LRRC52: variants seen among roughly 807,000 people sequenced by gnomAD.
The protein encoded by LRRC52 is leucine-rich repeat-containing protein 52.
Under a neutral mutation model 14.7 loss-of-function variants are expected in LRRC52, and 15 were observed. The observed-to-expected ratio is 1.02, with a 90% CI of 0.68 to 1.58. The LOEUF (loss-of-function observed/expected upper bound fraction) is 1.58. Ranked by LOEUF, LRRC52 falls within the 40% of genes most tolerant of loss-of-function variation. The pLI, the probability that LRRC52 is intolerant of heterozygous loss-of-function variation, is 0.00. For missense variants in LRRC52, 400 were observed against 387.7 expected (o/e 1.03, Z -0.27); for synonymous variants, 180 against 163.9 (o/e 1.10, Z -0.75).
At chr1:165,554,301 AG>A (rs1304507838) in intron 1 of LRRC52, among the ~76,000 whole-genome samples, 1 of 152,130 alleles carries the variant, frequency 6.6e-6, no homozygotes, top group Non-Finnish European at 1.5e-5. Flanking sequence ...AGAAACAAAC[AG>A]GGTGAGCAGA....
intron 1 of LRRC52, among the ~76,000 whole-genome samples, chr1:165,547,438 A>G (rs116831647): frequency 0.011 from 1,616 of 152,300 alleles, 29 homozygotes; most frequent in African/African-American, 0.037. Flanking sequence ...TCATAAATCC[A>G]TTGATATGCC....
chr1:165,545,020 C>T (rs1183134050), intron 1 of LRRC52, 102 bp downstream of exon 1: 6 of 1,420,756 alleles, frequency 4.2e-6, no homozygotes, highest in Non-Finnish European at 5.8e-6. Context: ...TTGGGTGAAG[C>T]TGATTGAATG....
chr1:165,544,028 G>A lies in LRRC52; in HGVS notation c.-269G>A, dbSNP rs1571101997. The A allele has an allele frequency of 2.1e-5, 11 of 518,366 alleles. No homozygotes were observed. The East Asian group carries it at 3.2e-4, about 15-fold the overall frequency. The allele number at this position is 518,366 out of a possible 1,614,324, so 32.1% of individuals were successfully genotyped here. A position where few individuals can be genotyped will look rare whatever the true frequency, so the allele number is the denominator to read the frequency against. On this transcript the variant is annotated 5_prime_UTR_variant, in exon 1 of 2. In the 5' UTR this introduces an upstream ATG that the reference lacks. Transcript: ENST00000294818. ...CTTCACTTGCAAACGCAGGGAAAGG[G>A]TGAGACCTTTCAAAGCTGCCAAGTG...
Position 165,549,751 on chromosome 1 carries a change from C to T in LRRC52, c.622+4833C>T, listed in dbSNP as rs767988327. Reference sequence around the variant, plus strand: ...TGTGCCACATTTTTGCTAAGGACCTCCCCCATAGAGGGGTTGTAGAGGAAG... The same window carrying T: ...TGTGCCACATTTTTGCTAAGGACCTTCCCCATAGAGGGGTTGTAGAGGAAG... On this transcript the variant is annotated intron_variant, in intron 1 of 1. Transcript: ENST00000294818. Among the ~76,000 whole-genome samples, 3 of 152,164 alleles carry T rather than the reference C, an allele frequency of 2.0e-5. 1 individual carries two copies. The highest frequency in any genetic ancestry group is 7.2e-5 in the African/African-American group (3 of 41,436).
intron 1 of LRRC52, 97 bp downstream of exon 1, chr1:165,545,015 T>C: frequency 2.1e-6 from 3 of 1,454,120 alleles, no homozygotes; most frequent in Non-Finnish European, 2.8e-6. Context: ...AAAAGTTGGG[T>C]GAAGCTGATT....
In LRRC52 at chr1:165,544,432, G is replaced by T; in HGVS notation, c.136G>T (p.Glu46Ter). ...AATCTGCACAGGGAAGCAGTTAACC[G>T]AATACCCCCTTGACATACCCCTGAA... The part of the protein sequence containing the change: ...EVICTGKQLT[E>*]YPLDIPLNTR... The change falls in exon 1 of 2, where the codon GAA (glutamate) becomes TAA (stop). Residue 46 changes from glutamate (E) to a stop codon, truncating the protein, a stop_gained. Transcript: ENST00000294818. LOFTEE classifies it high-confidence loss of function. 1.2e-6 allele frequency: 2 copies of T among 1,614,086 alleles called. No individual in the cohort carries two copies. The highest frequency in any genetic ancestry group is 1.7e-6 in the Non-Finnish European group (2 of 1,180,020).
chr1:165,557,555 T>A (rs1156973958), intron 1 of LRRC52, among the ~76,000 whole-genome samples: 2 of 152,204 alleles, frequency 1.3e-5, no homozygotes, highest in Non-Finnish European at 2.9e-5. Flanking sequence ...AAAATTCTTA[T>A]GCTCATAGTA....
chr1:165,550,942 C>T (rs993498050), intron 1 of LRRC52, among the ~76,000 whole-genome samples: 24 of 152,104 alleles, frequency 1.6e-4, no homozygotes, highest in African/African-American at 5.8e-4. Context: ...TAGAGATCCT[C>T]AAAGGCCTCC....
chr1:165,559,025 G>A lies in LRRC52; in HGVS notation c.623-4480G>A, dbSNP rs1661292351. ...TAATGAGAGATATTGGTCAATGATA[G>A]AAGGGTAATTCTACCAGGAAGACCT... On this transcript the variant is annotated intron_variant, in intron 1 of 1. Coordinates refer to ENST00000294818, the MANE Select transcript of LRRC52 (RefSeq NM_001005214.4). Among the ~76,000 whole-genome samples the A allele has an allele frequency of 2.0e-5, 3 of 152,214 alleles. No homozygotes were observed. In the South Asian group the frequency reaches 6.2e-4, roughly 32 times the overall value.
At chr1:165,549,003 T>C (rs1336736315) in intron 1 of LRRC52, among the ~76,000 whole-genome samples, 1 of 152,100 alleles carries the variant, frequency 6.6e-6, no homozygotes, top group African/African-American at 2.4e-5. Flanking sequence ...ATAGATAGAA[T>C]GTGGGAAGGT....
chr1:165,559,257 C>T (rs1420844682), intron 1 of LRRC52, among the ~76,000 whole-genome samples: 1 of 152,068 alleles, frequency 6.6e-6, no homozygotes, highest in African/African-American at 2.4e-5. Flanking sequence ...GGCGTGGTGG[C>T]GTGTGCCTGT....
intron 1 of LRRC52, among the ~76,000 whole-genome samples, chr1:165,557,083 C>T (rs188058466): frequency 2.3e-4 from 35 of 152,216 alleles, no homozygotes; most frequent in Admixed American, 1.6e-3. Flanking sequence ...TACAAGAGTA[C>T]AGAAAAAGGG....
chr1:165,559,578 A>G (rs1036899301), intron 1 of LRRC52, among the ~76,000 whole-genome samples: 1 of 152,210 alleles, frequency 6.6e-6, no homozygotes, highest in African/African-American at 2.4e-5. Flanking sequence ...ACCACAACCT[A>G]ACTGACATGC....
At position 165,544,229 on chromosome 1, in the gene LRRC52, C is replaced by CCCCCCCCCCGCG; in HGVS notation, c.-68_-67insCCCCCCCCCGCG. 1 of 1,476,570 alleles carries CCCCCCCCCCGCG rather than the reference C, an allele frequency of 6.8e-7. No individual in the cohort carries two copies. The highest frequency in any genetic ancestry group is 9.1e-7 in the Non-Finnish European group (1 of 1,101,700). The allele number at this position is 1,476,570 out of a possible 1,614,324, so 91.5% of individuals were successfully genotyped here. A position where few individuals can be genotyped will look rare whatever the true frequency, so the allele number is the denominator to read the frequency against. On this transcript the variant is annotated 5_prime_UTR_variant, in exon 1 of 2. Coordinates refer to ENST00000294818, the MANE Select transcript of LRRC52 (RefSeq NM_001005214.4). ...CCCCTCCCCCGCCCCACCCCCCCACCGGCAGCCTTCGGATCAGAGGACAGA... is the reference window on the plus strand; with the variant it reads ...CCCCTCCCCCGCCCCACCCCCCCACCCCCCCCCCCGCGGGCAGCCTTCGGATCAGAGGACAGA...
At chr1:165,563,376 G>A (rs1046867592) in intron 1 of LRRC52, 129 bp from the exon 2 acceptor site, 100 of 745,908 alleles carry the variant, frequency 1.3e-4, no homozygotes, top group Middle Eastern at 1.1e-3. Context: ...AGGTGATGTC[G>A]ATGCTGCTGG....
At chr1:165,560,795 GT>G (rs1166763554) in intron 1 of LRRC52, among the ~76,000 whole-genome samples, 3 of 152,160 alleles carry the variant, frequency 2.0e-5, no homozygotes, top group Non-Finnish European at 2.9e-5. Context: ...ATAATATGTA[GT>G]TTAATTTAAC....
chr1:165,545,214 A>G (rs1393627405), intron 1 of LRRC52, among the ~76,000 whole-genome samples: 1 of 152,164 alleles, frequency 6.6e-6, no homozygotes, highest in African/African-American at 2.4e-5. Context: ...TGGGGACAAT[A>G]ATATTACCTA....
chr1:165,550,171 AGTTCTTCC>A (rs2101825912), intron 1 of LRRC52, among the ~76,000 whole-genome samples: 1 of 152,192 alleles, frequency 6.6e-6, no homozygotes, highest in East Asian at 1.9e-4. Flanking sequence ...GTGGTCATTG[AGTTCTTCC>A]CAGGATATTT....
At chr1:165,561,740 A>G (rs147811105) in intron 1 of LRRC52, among the ~76,000 whole-genome samples, 2 of 152,366 alleles carry the variant, frequency 1.3e-5, no homozygotes, top group Non-Finnish European at 2.9e-5. Context: ...TGTGTCTAAA[A>G]GCTTGAGTCC....
Sources: allele counts gnomAD v4.1 joint callset (sites outside exome capture counted in the v4.1 genomes callset), GRCh38; gene constraint gnomAD v4.1.1; transcripts MANE v1.5; gene names NCBI Gene and HGNC (gene_info 2026-07-23, HGNC 2026-07-21).